The following CSMD2 variants were observed in gnomAD, a reference collection of about 807,000 sequenced individuals.
CSMD2 encodes the protein CUB and sushi domain-containing protein 2.
CSMD2 carries 130 observed loss-of-function variants against 398.5 expected under a neutral mutation model. The observed-to-expected ratio is 0.33, with a 90% CI of 0.28 to 0.38. The LOEUF (loss-of-function observed/expected upper bound fraction) is 0.38. CSMD2 is among the 10% of genes least tolerant of loss of function. The pLI, the probability that CSMD2 is intolerant of heterozygous loss-of-function variation, is 1.00. For synonymous variants in CSMD2, 1,828 were observed against 1,908.5 expected, an observed-to-expected ratio of 0.96 and a Z score of 1.10; for missense variants, 3,829 against 4,764.9, an observed-to-expected ratio of 0.80 and a Z score of 5.78.
chr1:33,800,675 G>T (rs921608239), intron 10 of CSMD2, among the ~76,000 whole-genome samples: 2 of 152,178 alleles, frequency 1.3e-5, no homozygotes, highest in Admixed American at 6.5e-5. Flanking sequence ...ATGGGAGACA[G>T]GAGGGGCACA....
At chr1:33,744,355 C>A (rs1647196027) in intron 13 of CSMD2, among the ~76,000 whole-genome samples, 1 of 152,182 alleles carries the variant, frequency 6.6e-6, no homozygotes, top group Non-Finnish European at 1.5e-5. Context: ...AGATGCCACA[C>A]TATGCTAAAG....
At chr1:33,734,034 A>C (rs990765504) in intron 15 of CSMD2, among the ~76,000 whole-genome samples, 5 of 152,200 alleles carry the variant, frequency 3.3e-5, no homozygotes, top group Admixed American at 3.3e-4. Flanking sequence ...TTCTTGCAAG[A>C]GTGGCAAGAA....
rs375811660 is a variant in CSMD2 at position 33,752,187 on chromosome 1, T to C, written c.1847-8581A>G. Among the ~76,000 whole-genome samples the C allele has an allele frequency of 2.0e-3, 303 of 151,560 alleles. 2 individuals are homozygous for C. The highest frequency in any genetic ancestry group is 4.5e-3 in the Admixed American group (69 of 15,258). On this transcript the variant is annotated intron_variant, in intron 13 of 70. Coordinates refer to ENST00000373381, the MANE Select transcript of CSMD2 (RefSeq NM_001281956.2). ...AAAACAAACAACAAACAAAAAAATA[T>C]ATAGTTTGGTTTTTTGTCTCCTCCA...
intron 5 of CSMD2, chr1:33,870,792 A>C (rs1285260789): frequency 6.6e-6 from 1 of 152,158 alleles, no homozygotes; most frequent in Non-Finnish European, 1.5e-5. Flanking sequence ...CCTGGTGGCC[A>C]AAGTGATAGG....
intron 51 of CSMD2, among the ~76,000 whole-genome samples, chr1:33,571,136 A>G (rs1309556792): frequency 6.6e-6 from 1 of 152,188 alleles, no homozygotes; most frequent in African/African-American, 2.4e-5. Context: ...TTCAGGTCTT[A>G]TCGCACCACA....
rs115536177 is a variant in CSMD2 at position 34,106,822 on chromosome 1, C to T, written c.188-17629G>A. Among the ~76,000 whole-genome samples, 900 of 152,236 alleles carry T rather than the reference C, an allele frequency of 5.9e-3. 13 individuals carry two copies. Among genetic ancestry groups the T allele is most frequent in the African/African-American group, 0.021 (857 of 41,528 alleles). The stretch of plus-strand genomic sequence containing the variant: ...ATTCAATTGCTTCGTGGGAATAATC[C>T]CATGCCACTCAGCTTCCTAATTCTA... On this transcript the variant is annotated intron_variant, in intron 1 of 70. Transcript: ENST00000373381.
chr1:33,653,190 G>C (rs903136793), intron 27 of CSMD2, among the ~76,000 whole-genome samples: 2 of 152,198 alleles, frequency 1.3e-5, no homozygotes, highest in African/African-American at 2.4e-5. Context: ...TCTGTGGGGT[G>C]GTTGTAAAGA....
At chr1:33,692,765 C>A (rs929246618) in intron 25 of CSMD2, among the ~76,000 whole-genome samples, 165 bp downstream of exon 25, 2 of 152,162 alleles carry the variant, frequency 1.3e-5, no homozygotes, top group African/African-American at 2.4e-5. Context: ...CTGAGACTGA[C>A]CTTTCTAGAT....
intron 1 of CSMD2, among the ~76,000 whole-genome samples, chr1:34,100,505 GT>G (rs1659834784): frequency 6.6e-6 from 1 of 152,184 alleles, no homozygotes; most frequent in Non-Finnish European, 1.5e-5. Flanking sequence ...TTATATGAAT[GT>G]GTAATATTCC....
Position 33,537,187 on chromosome 1 carries a change from G to C in CSMD2, c.9806-92C>G. The C allele has an allele frequency of 7.0e-7, 1 of 1,425,940 alleles. No individual in the cohort carries two copies. The allele number at this position is 1,425,940 out of a possible 1,614,324, so 88.3% of individuals were successfully genotyped here. On this transcript the variant is annotated intron_variant, in intron 61 of 70. Transcript: ENST00000373381. The surrounding 1 kb of genome is among the most constrained non-coding windows in gnomAD (Gnocchi z 4.6). ...GGGAAATAGGTGTAGAAAAGAAAAT[G>C]CGGCCACATCCTGACTTCCCTGCCC... is the stretch of plus-strand genomic sequence containing the variant.
intron 13 of CSMD2, among the ~76,000 whole-genome samples, chr1:33,757,070 C>G (rs971940043): frequency 6.6e-6 from 1 of 151,324 alleles, no homozygotes; most frequent in Non-Finnish European, 1.5e-5. Flanking sequence ...AAAAACCAAA[C>G]AACACATGTT....
chr1:34,159,906 C>A (rs947298432), intron 1 of CSMD2, among the ~76,000 whole-genome samples: 1 of 152,198 alleles, frequency 6.6e-6, no homozygotes, highest in African/African-American at 2.4e-5. Context: ...GCACTGGACT[C>A]GTTGCATCTC....
At chr1:33,828,925 A>C (rs1044716430) in intron 6 of CSMD2, among the ~76,000 whole-genome samples, 30 of 152,322 alleles carry the variant, frequency 2.0e-4, no homozygotes, top group Admixed American at 1.8e-3. Flanking sequence ...GCTACTTAGC[A>C]TAGGATGGAG....
At position 33,576,768 on chromosome 1, in the gene CSMD2, GTTCA is replaced by G. The variant is rs1039974786; in HGVS notation, c.7576+524_7576+527del. Among the ~76,000 whole-genome samples the G allele has an allele frequency of 3.3e-5, 5 of 149,422 alleles. No individual in the cohort carries two copies. In the East Asian group the frequency reaches 7.9e-4, roughly 24 times the overall value. The stretch of plus-strand genomic sequence containing the variant: ...TAACAGTGGTGATCTCAGGTTTATT[GTTCA>G]TTTTCACTTTTTTTCTTTTGCATTA... On this transcript the variant is annotated intron_variant, in intron 49 of 70. Transcript: ENST00000373381.
intron 29 of CSMD2, among the ~76,000 whole-genome samples, chr1:33,643,453 G>A (rs370197): frequency 0.2 from 30,880 of 152,122 alleles, 5,276 homozygotes; most frequent in African/African-American, 0.47. Flanking sequence ...TACCAGTGAC[G>A]TAGGAAAAAG....
chr1:33,881,103 G>T (rs189459010), intron 5 of CSMD2, among the ~76,000 whole-genome samples: 2 of 152,148 alleles, frequency 1.3e-5, no homozygotes, highest in African/African-American at 4.8e-5. Flanking sequence ...AACACATTAC[G>T]CAGGGAGAAA....
chr1:34,025,132 G>A (rs191948316), intron 3 of CSMD2, among the ~76,000 whole-genome samples: 161 of 152,278 alleles, frequency 1.1e-3, no homozygotes, highest in Non-Finnish European at 1.8e-3. Context: ...ACAGCAAAAC[G>A]GGCAGCTCTG....
At chr1:33,851,900 G>C (rs1014665605) in intron 5 of CSMD2, among the ~76,000 whole-genome samples, 6 of 152,002 alleles carry the variant, frequency 3.9e-5, no homozygotes. Context: ...TCTTTGAAAA[G>C]AGGCCCCTCA....
At chr1:34,126,741 G>C (rs1397004884) in intron 1 of CSMD2, among the ~76,000 whole-genome samples, 2 of 152,144 alleles carry the variant, frequency 1.3e-5, no homozygotes. Flanking sequence ...AAGGCAGGCT[G>C]TCCTTGTGGC....
Sources: gnomAD v4.1 joint callset for allele counts (sites outside exome capture counted in the v4.1 genomes callset) on GRCh38, gnomAD v4.1.1 for gene constraint, Gnocchi (gnomAD v3.1) non-coding constraint, MANE v1.5 for transcripts, NCBI Gene and HGNC (gene_info 2026-07-23, HGNC 2026-07-21) for gene names.